MAP6: variants seen among roughly 807,000 people sequenced by gnomAD.
MAP6 encodes microtubule-associated protein 6.
Under a neutral mutation model 42.4 loss-of-function variants are expected in MAP6, and 26 were observed. The ratio of observed to expected loss-of-function variants is 0.61; its 90% confidence interval spans 0.45 to 0.85. MAP6 has a LOEUF of 0.85. Ranked by LOEUF, MAP6 falls within the 40% of genes least tolerant of loss-of-function variation. MAP6 has a pLI of 0.00. For missense variants in MAP6, 966 were observed against 1,099.0 expected (o/e 0.88, Z 1.71); for synonymous variants, 418 against 443.8 (o/e 0.94, Z 0.73).
chr11:75,618,790 C>G (rs889837758), intron 1 of MAP6, among the ~76,000 whole-genome samples: 5 of 152,182 alleles, frequency 3.3e-5, no homozygotes, highest in Non-Finnish European at 1.5e-5. Context: ...CCTGTCGATG[C>G]CCTGGTAGAG....
chr11:75,607,960 T>C lies in MAP6; in HGVS notation c.1119+149A>G, dbSNP rs1942809885. The C allele has an allele frequency of 1.3e-5, 9 of 698,244 alleles. No individual in the cohort carries two copies. In the East Asian group the frequency reaches 2.2e-4, roughly 17 times the overall value. The allele number at this position is 698,244 out of a possible 1,614,324, so 43.3% of individuals were successfully genotyped here. ...CAAAGGTTCCTATTGAAGATGGCCC[T>C]GGGTCTCAGTGTGCTTTAGAGGAAG... On this transcript the variant is annotated intron_variant, in intron 2 of 3. Coordinates refer to ENST00000304771, the MANE Select transcript of MAP6 (RefSeq NM_033063.2).
intron 3 of MAP6, 97 bp downstream of exon 3, chr11:75,605,711 T>C: frequency 6.5e-7 from 1 of 1,548,326 alleles, no homozygotes. Flanking sequence ...AGCCTCTAAT[T>C]AATTTTGTGG....
At chr11:75,620,873 G>A (rs538812925) in intron 1 of MAP6, among the ~76,000 whole-genome samples, 20 of 152,204 alleles carry the variant, frequency 1.3e-4, no homozygotes, top group Non-Finnish European at 2.4e-4. Context: ...GCTCACGCCT[G>A]TAATCCCGGC....
At chr11:75,634,895 T>C (rs183126855) in intron 1 of MAP6, among the ~76,000 whole-genome samples, 54 of 152,326 alleles carry the variant, frequency 3.5e-4, no homozygotes, top group Admixed American at 3.3e-3. Context: ...TATTCTTTCA[T>C]TGAGCTTTCT....
intron 1 of MAP6, among the ~76,000 whole-genome samples, chr11:75,619,664 A>G (rs949435362): frequency 6.6e-6 from 1 of 152,216 alleles, no homozygotes; most frequent in African/African-American, 2.4e-5. Flanking sequence ...AGCTCCATCC[A>G]TGTCCCTGCA....
At chr11:75,608,424 G>A in intron 1 of MAP6, 102 bp from the exon 2 acceptor site, 1 of 875,644 alleles carries the variant, frequency 1.1e-6, no homozygotes, top group Non-Finnish European at 1.8e-6. Flanking sequence ...ATCAGTGCTT[G>A]CAGCATTGAC....
At chr11:75,605,699 GA>G in intron 3 of MAP6, 108 bp downstream of exon 3, 1 of 1,527,032 alleles carries the variant, frequency 6.5e-7, no homozygotes, top group Non-Finnish European at 8.7e-7. Flanking sequence ...AGGCAGATGA[GA>G]AGCCTCTAAT....
chr11:75,598,068 A>G (rs904926712), intron 3 of MAP6, among the ~76,000 whole-genome samples: 6 of 152,190 alleles, frequency 3.9e-5, no homozygotes, highest in African/African-American at 1.4e-4. Flanking sequence ...CCTTGCTTTC[A>G]GAGCTCTTGC....
At chr11:75,594,528 T>G (rs1317242239) in intron 3 of MAP6, 2 of 152,132 alleles carry the variant, frequency 1.3e-5, no homozygotes, top group Admixed American at 1.3e-4. Context: ...TGTGGGAGTG[T>G]CTCTTTTAGT....
At chr11:75,631,807 C>G (rs538956) in intron 1 of MAP6, among the ~76,000 whole-genome samples, 71,853 of 152,062 alleles carry the variant, frequency 0.47, 17,221 homozygotes, top group Middle Eastern at 0.59. Context: ...TTTCTGCTGT[C>G]GCAGGAGATA....
intron 1 of MAP6, among the ~76,000 whole-genome samples, chr11:75,633,562 G>C (rs1205274560): frequency 6.6e-6 from 1 of 152,206 alleles, no homozygotes; most frequent in East Asian, 1.9e-4. Context: ...CAATAAGCTG[G>C]TATGTCAGGT....
At chr11:75,640,970 C>A (rs1943458501) in intron 1 of MAP6, among the ~76,000 whole-genome samples, 1 of 152,034 alleles carries the variant, frequency 6.6e-6, no homozygotes, top group African/African-American at 2.4e-5. Context: ...TTGACCCAGC[C>A]ATCCCATTAC....
In MAP6 at chr11:75,639,975, TC is replaced by T. The variant is rs966104593; in HGVS notation, c.905+27489del. 7.1e-4 allele frequency among the ~76,000 whole-genome samples: 108 copies of T among 152,248 alleles called. 2 individuals carry two copies. Among genetic ancestry groups the T allele is most frequent in the Non-Finnish European group, 1.0e-4 (7 of 68,022 alleles). On this transcript the variant is annotated intron_variant, in intron 1 of 3. Transcript: ENST00000304771. Reference sequence around the variant, plus strand: ...ACTCCATTGAACACACACGAGTCTGTCACTTTCAGTTCCACTTAATTTCCAC... The same window carrying T: ...ACTCCATTGAACACACACGAGTCTGTACTTTCAGTTCCACTTAATTTCCAC...
chr11:75,638,871 G>A (rs1485696129), intron 1 of MAP6, among the ~76,000 whole-genome samples: 3 of 152,184 alleles, frequency 2.0e-5, no homozygotes, highest in African/African-American at 4.8e-5. Flanking sequence ...TCACAGCTCT[G>A]TTCACAATAG....
intron 3 of MAP6, among the ~76,000 whole-genome samples, chr11:75,589,542 G>A (rs1221646761): frequency 6.6e-6 from 1 of 152,214 alleles, no homozygotes; most frequent in Non-Finnish European, 1.5e-5. Flanking sequence ...ACCCTTACTT[G>A]TCTGATGAAG....
intron 3 of MAP6, among the ~76,000 whole-genome samples, chr11:75,602,150 C>T (rs1300292207): frequency 6.6e-6 from 1 of 152,108 alleles, no homozygotes; most frequent in South Asian, 2.1e-4. Flanking sequence ...CTTTCAGGTT[C>T]CCACCCAGCC....
At chr11:75,635,309 T>C (rs1048913992) in intron 1 of MAP6, among the ~76,000 whole-genome samples, 3 of 152,026 alleles carry the variant, frequency 2.0e-5, no homozygotes, top group Non-Finnish European at 2.9e-5. Flanking sequence ...TTTATTAAAG[T>C]GAAAAGGGAA....
rs372942445 is a variant in MAP6 at position 75,618,471 on chromosome 11, G to A, written c.906-10149C>T. Among the ~76,000 whole-genome samples, 4 of 152,218 alleles carry A rather than the reference G, an allele frequency of 2.6e-5. No individual in the cohort carries two copies. The East Asian group carries it at 7.8e-4, about 30-fold the overall frequency. ...AAAATACAAAAATTAGCCAGGCATG[G>A]TGGTGGGCGCCTGTAATCCCAGGTA... On this transcript the variant is annotated intron_variant, in intron 1 of 3. Transcript: ENST00000304771.
Position 75,608,103 on chromosome 11 carries a change from T to C in MAP6, c.1119+6A>G, listed in dbSNP as rs754214790. 7 of 1,612,806 alleles carry C rather than the reference T, an allele frequency of 4.3e-6. No individual in the cohort carries two copies. Among genetic ancestry groups the C allele is most frequent in the Non-Finnish European group, 5.9e-6 (7 of 1,179,582 alleles). ...TGCTGATGGGTTCCCACAAGGTCTG[T>C]CTCACCTTTGGGGGTTCCTTGAAGG... On this transcript the variant is annotated splice_donor_region_variant and intron_variant, in intron 2 of 3. Transcript: ENST00000304771.
Sources: allele counts gnomAD v4.1 joint callset (sites outside exome capture counted in the v4.1 genomes callset), GRCh38; gene constraint gnomAD v4.1.1; transcripts MANE v1.5; gene names NCBI Gene and HGNC (gene_info 2026-07-23, HGNC 2026-07-21).